Variants in IL1RAPL1 observed in about 807,000 individuals in gnomAD.
The protein encoded by IL1RAPL1 is interleukin-1 receptor accessory protein-like 1.
Under a neutral mutation model 48.4 loss-of-function variants are expected in IL1RAPL1, and 3 were observed. The ratio of observed to expected loss-of-function variants is 0.06; its 90% CI spans 0.03 to 0.16. The LOEUF (loss-of-function observed/expected upper bound fraction) is 0.16. IL1RAPL1 is among the 10% of genes least tolerant of loss of function. The pLI, the probability that IL1RAPL1 is intolerant of heterozygous loss-of-function variation, is 1.00. For synonymous variants in IL1RAPL1, 185 were observed against 187.7 expected, an observed-to-expected ratio of 0.99 and a Z score of 0.12; for missense variants, 349 against 530.6, an observed-to-expected ratio of 0.66 and a Z score of 3.36.
rs1426366152 is a variant in IL1RAPL1 at position 29,920,069 on chromosome X, C to A, written c.1032C>A (p.His344Gln). ...CYVENGNGRR[H>Q]ASVLLHKREL... ...TTGAAAATGGAAATGGACGTCGACA[C>A]GCCAGCGTTCTCCTTCATAAACGAG... The change falls in exon 8 of 11, where the codon CAC becomes CAA. Residue 344 changes from histidine (H) to glutamine (Q), a missense_variant. By Grantham distance (24) the His-to-Gln change is conservative. Transcript: ENST00000378993. 2 of 1,211,345 alleles carry A rather than the reference C, an allele frequency of 1.7e-6. No individual in the cohort carries two copies. The highest frequency in any genetic ancestry group is 2.2e-5 in the Admixed American group (1 of 46,041).
At chrX:28,915,019 A>G (rs1226075345) in intron 2 of IL1RAPL1, among the ~76,000 whole-genome samples, 1 of 111,668 alleles carries the variant, frequency 9.0e-6, no homozygotes, top group East Asian at 2.8e-4. Flanking sequence ...TTTTCCATGG[A>G]CAGATGATGG....
intron 2 of IL1RAPL1, among the ~76,000 whole-genome samples, chrX:28,866,938 A>G (rs1922091981): frequency 8.9e-6 from 1 of 111,953 alleles, no homozygotes; most frequent in Non-Finnish European, 1.9e-5. Context: ...TTTTTATTCT[A>G]TTTTTCACTA....
chrX:29,593,256 C>T (rs772357979), intron 5 of IL1RAPL1, among the ~76,000 whole-genome samples: 1 of 111,505 alleles, frequency 9.0e-6, no homozygotes, highest in South Asian at 3.8e-4. Context: ...TTCATGACTC[C>T]TAAACTTTGT....
Position 28,588,065 on chromosome X carries a change from A to G in IL1RAPL1, c.-25+18A>G, listed in dbSNP as rs995421138. 3.6e-5 allele frequency: 4 copies of G among 111,784 alleles called. No homozygotes were observed. Among genetic ancestry groups the G allele is most frequent in the East Asian group, 2.8e-4 (1 of 3,553 alleles). The allele number at this position is 111,784 out of a possible 1,213,427, so 9.2% of individuals were successfully genotyped here. On this transcript the variant is annotated intron_variant, in intron 1 of 10. Transcript: ENST00000378993. ...TGTTGTGGGTAAGGTCATTTTATATATGCAAACCCATCAGTGGCATGAGCA... is the reference window on the plus strand; with the variant it reads ...TGTTGTGGGTAAGGTCATTTTATATGTGCAAACCCATCAGTGGCATGAGCA...
intron 3 of IL1RAPL1, among the ~76,000 whole-genome samples, chrX:29,358,642 G>A (rs1285067152): frequency 9.1e-6 from 1 of 110,410 alleles, no homozygotes; most frequent in Non-Finnish European, 1.9e-5. Flanking sequence ...ATTAAATCAA[G>A]CTAATTAACA....
chrX:29,408,752 G>A (rs1247967142), intron 5 of IL1RAPL1, among the ~76,000 whole-genome samples: 3 of 111,883 alleles, frequency 2.7e-5, no homozygotes, highest in Non-Finnish European at 5.6e-5. Context: ...CTCTTTTAAT[G>A]GATGAGGAAG....
chrX:29,360,290 A>T (rs1315054870), intron 3 of IL1RAPL1, among the ~76,000 whole-genome samples: 1 of 111,614 alleles, frequency 9.0e-6, no homozygotes, highest in East Asian at 2.8e-4. Flanking sequence ...TTGGATTTAA[A>T]CCCAGTCTGC....
At chrX:28,779,501 G>T (rs1326438204) in intron 1 of IL1RAPL1, among the ~76,000 whole-genome samples, 1 of 106,750 alleles carries the variant, frequency 9.4e-6, no homozygotes, top group Admixed American at 1.0e-4. Flanking sequence ...ACTAGAATAC[G>T]AAATCTAACC....
At chrX:29,446,267 CT>C (rs1934610838) in intron 5 of IL1RAPL1, among the ~76,000 whole-genome samples, 1 of 111,431 alleles carries the variant, frequency 9.0e-6, no homozygotes, top group Non-Finnish European at 1.9e-5. Flanking sequence ...TGTTGAAAGC[CT>C]CCCCGGTGAG....
intron 2 of IL1RAPL1, among the ~76,000 whole-genome samples, chrX:29,280,326 C>T (rs1932181651): frequency 8.9e-6 from 1 of 111,779 alleles, no homozygotes; most frequent in Non-Finnish European, 1.9e-5. Context: ...GCCCACCAAG[C>T]TTCCAGCATA....
intron 1 of IL1RAPL1, among the ~76,000 whole-genome samples, chrX:28,646,626 C>T (rs1002929672): frequency 2.7e-5 from 3 of 112,145 alleles, no homozygotes; most frequent in Admixed American, 9.4e-5. Context: ...TGAATATACA[C>T]GTGCTTGCTG....
intron 8 of IL1RAPL1, among the ~76,000 whole-genome samples, chrX:29,939,676 T>C (rs1164646974): frequency 1.8e-5 from 2 of 111,713 alleles, no homozygotes; most frequent in African/African-American, 3.3e-5. Flanking sequence ...TCTAAAAGAG[T>C]TGATCTCACT....
At chrX:28,837,433 A>C (rs1393578908) in intron 2 of IL1RAPL1, among the ~76,000 whole-genome samples, 2 of 111,210 alleles carry the variant, frequency 1.8e-5, no homozygotes, top group African/African-American at 6.5e-5. Flanking sequence ...CATGTTTTTC[A>C]GGAACGTTTG....
chrX:29,773,305 C>T (rs1453164882), intron 6 of IL1RAPL1, among the ~76,000 whole-genome samples: 1 of 111,634 alleles, frequency 9.0e-6, no homozygotes, highest in East Asian at 2.8e-4. Flanking sequence ...GTGTCATGGG[C>T]TTTCATTACT....
chrX:28,918,518 G>T (rs1601958200), intron 2 of IL1RAPL1, among the ~76,000 whole-genome samples: 1 of 112,163 alleles, frequency 8.9e-6, no homozygotes, highest in South Asian at 3.6e-4. Flanking sequence ...TAAAATATTT[G>T]CTTCTCTATT....
chrX:29,869,727 T>G (rs1601859160), intron 6 of IL1RAPL1, among the ~76,000 whole-genome samples: 1 of 111,098 alleles, frequency 9.0e-6, no homozygotes, highest in African/African-American at 3.3e-5. Flanking sequence ...ACTTGAAAAT[T>G]GTTAATTTAG....
At chrX:28,892,304 C>T (rs1418876057) in intron 2 of IL1RAPL1, among the ~76,000 whole-genome samples, 3 of 96,699 alleles carry the variant, frequency 3.1e-5, no homozygotes, top group Non-Finnish European at 6.2e-5. Flanking sequence ...TGTTCTCTGG[C>T]GGGCAGGAGT....
intron 6 of IL1RAPL1, among the ~76,000 whole-genome samples, chrX:29,675,472 A>G (rs1171132316): frequency 8.9e-6 from 1 of 112,494 alleles, no homozygotes; most frequent in Non-Finnish European, 1.9e-5. Flanking sequence ...TAAGAGTACT[A>G]TTTTATTTGT....
intron 2 of IL1RAPL1, among the ~76,000 whole-genome samples, chrX:28,982,390 T>C (rs1449210838): frequency 8.9e-6 from 1 of 112,058 alleles, no homozygotes; most frequent in African/African-American, 3.2e-5. Context: ...GTGGGGATAA[T>C]TATAGTACCT....
Sources: gnomAD v4.1 joint callset for allele counts (sites outside exome capture counted in the v4.1 genomes callset) on GRCh38, gnomAD v4.1.1 for gene constraint, MANE v1.5 for transcripts, NCBI Gene and HGNC (gene_info 2026-07-23, HGNC 2026-07-21) for gene names.